Variants in TMEM30A observed in about 807,000 individuals in gnomAD.
TMEM30A encodes the protein cell division cycle 50 P4-ATPase accessory subunit A.
A neutral mutation model predicts 38.2 loss-of-function variants in TMEM30A; 24 were observed. The ratio of observed to expected loss-of-function variants is 0.63; its 90% CI spans 0.46 to 0.88. The LOEUF is 0.88. Among genes scored for constraint, TMEM30A ranks in the 40% least tolerant of loss-of-function variants. TMEM30A has a pLI of 0.00. For synonymous variants in TMEM30A, 145 were observed against 161.6 expected (o/e 0.90, Z 0.78); for missense variants, 370 against 458.6 (o/e 0.81, Z 1.77).
chr6:75,279,802 ATTT>A (rs1772327540), intron 1 of TMEM30A, among the ~76,000 whole-genome samples: 1 of 152,286 alleles, frequency 6.6e-6, no homozygotes, highest in East Asian at 1.9e-4. Flanking sequence ...AAAGATGCGC[ATTT>A]TTTACACTAT....
At chr6:75,259,653 T>C (rs186587174) in intron 4 of TMEM30A, among the ~76,000 whole-genome samples, 163 bp from the exon 5 acceptor site, 4 of 152,384 alleles carry the variant, frequency 2.6e-5, no homozygotes, top group Admixed American at 1.3e-4. Flanking sequence ...GGATTAACTA[T>C]GGTAACTTTA....
intron 1 of TMEM30A, among the ~76,000 whole-genome samples, chr6:75,269,556 C>T (rs768984477): frequency 2.6e-5 from 4 of 152,220 alleles, no homozygotes; most frequent in Non-Finnish European, 5.9e-5. Context: ...TGAAGGACAT[C>T]TTGGTTGCTT....
rs1398598479 is a variant in TMEM30A at position 75,260,855 on chromosome 6, A to G, written c.510T>C (p.Pro170=). The change falls in exon 4 of 7, where the codon CCT becomes CCC. Residue 170 remains proline, a synonymous_variant. Transcript: ENST00000230461. The part of the protein sequence containing the change: ...YRRNEDKPIA[P]CGAIANSMFN... The stretch of plus-strand genomic sequence containing the variant: ...ACATGCTGTTGGCAATAGCTCCACA[A>G]GGAGCAATTGGTTTGTCTTCATTTC... 1 of 1,600,512 alleles carries G rather than the reference A, an allele frequency of 6.2e-7. No homozygotes were observed. The highest frequency in any genetic ancestry group is 8.5e-7 in the Non-Finnish European group (1 of 1,176,612).
At chr6:75,270,152 C>CT (rs1159007926) in intron 1 of TMEM30A, among the ~76,000 whole-genome samples, 1 of 152,218 alleles carries the variant, frequency 6.6e-6, no homozygotes, top group Non-Finnish European at 1.5e-5. Context: ...TCCAAAGGAG[C>CT]TATACCATTT....
At chr6:75,261,457 TTAAAC>T (rs1410262151) in intron 3 of TMEM30A, among the ~76,000 whole-genome samples, 18 of 152,202 alleles carry the variant, frequency 1.2e-4, no homozygotes, top group African/African-American at 4.1e-4. Flanking sequence ...ATATCAATCT[TTAAAC>T]TGTGCATCCA....
chr6:75,256,025 A>AT lies in TMEM30A; in HGVS notation c.*76dup. On this transcript the variant is annotated 3_prime_UTR_variant, in exon 7 of 7. Transcript: ENST00000230461. Reference sequence around the variant, plus strand: ...AACTTCAAAATGACATACTAACCAGATATCAGCATTCGAAAGCTAGGTTGA... The same window carrying AT: ...AACTTCAAAATGACATACTAACCAGATTATCAGCATTCGAAAGCTAGGTTGA... 2 of 1,015,560 alleles carry AT rather than the reference A, an allele frequency of 2.0e-6. No homozygotes were observed. Among genetic ancestry groups the AT allele is most frequent in the East Asian group, 5.2e-5 (2 of 38,400 alleles). 62.9% of individuals were successfully genotyped at this position (1,015,560 alleles called of 1,614,324 possible). A position where few individuals can be genotyped will look rare whatever the true frequency, so the allele number is the denominator to read the frequency against.
rs1231739759 is a variant in TMEM30A at position 75,254,290 on chromosome 6, G to C, written c.*1812C>G. 6.6e-6 allele frequency: 1 copy of C among 152,056 alleles called. No homozygotes were observed. The highest frequency in any genetic ancestry group is 1.5e-5 in the Non-Finnish European group (1 of 67,998). 9.4% of individuals were successfully genotyped at this position (152,056 alleles called of 1,614,324 possible). A position where few individuals can be genotyped will look rare whatever the true frequency, so the allele number is the denominator to read the frequency against. ...TCCTTAAACAGCACAGACTCAATCT[G>C]GAAAGAGTGGCAGAAACCCCTCTCC... is the stretch of plus-strand genomic sequence containing the variant. On this transcript the variant is annotated 3_prime_UTR_variant, in exon 7 of 7. Transcript: ENST00000230461.
At chr6:75,273,304 CAGAT>C (rs961700168) in intron 1 of TMEM30A, among the ~76,000 whole-genome samples, 2 of 152,078 alleles carry the variant, frequency 1.3e-5, no homozygotes, top group Admixed American at 6.5e-5. Context: ...TGCATATAAA[CAGAT>C]AGGAAATAGG....
intron 1 of TMEM30A, chr6:75,284,160 C>A: frequency 1.7e-6 from 1 of 577,746 alleles, no homozygotes; most frequent in Non-Finnish European, 3.1e-6. Flanking sequence ...CATTCCGTCT[C>A]AGCTCATTCC....
At chr6:75,269,239 A>G (rs1029041764) in intron 1 of TMEM30A, among the ~76,000 whole-genome samples, 5 of 152,172 alleles carry the variant, frequency 3.3e-5, no homozygotes, top group African/African-American at 1.2e-4. Context: ...ACGTATAATG[A>G]GTATCCACCA....
rs538203329 is a variant in TMEM30A at position 75,259,446 on chromosome 6, G to C, written c.586C>G (p.Pro196Ala). The change falls in exon 5 of 7, where the codon CCT (proline) becomes GCT (alanine). Residue 196 changes from proline to alanine, a missense_variant. Physicochemically the swap from Pro to Ala is conservative, Grantham distance 27. Transcript: ENST00000230461. ...ATACCTTTCTTTTTCAAAGCGATAG[G>C]TATAGGATAAGAATCATTGCCAATG... ...FLIGNDSYPI[P>A]IALKKKGIAW... 6.2e-7 allele frequency: 1 copy of C among 1,611,166 alleles called. No homozygotes were observed. Among genetic ancestry groups the C allele is most frequent in the African/African-American group, 1.3e-5 (1 of 74,904 alleles).
chr6:75,272,692 T>G (rs746519500), intron 1 of TMEM30A: 1 of 152,252 alleles, frequency 6.6e-6, no homozygotes, highest in Non-Finnish European at 1.5e-5. Context: ...CCTCTGTCTC[T>G]ATGCTGACTT....
intron 1 of TMEM30A, among the ~76,000 whole-genome samples, chr6:75,276,562 C>T (rs1419169726): frequency 6.6e-6 from 1 of 151,888 alleles, no homozygotes; most frequent in East Asian, 1.9e-4. Context: ...AATTTCCACA[C>T]ATGTGGTGTC....
chr6:75,265,991 C>A (rs189598247), intron 2 of TMEM30A, among the ~76,000 whole-genome samples: 47 of 152,108 alleles, frequency 3.1e-4, no homozygotes, highest in Non-Finnish European at 6.2e-4. Context: ...TGATAATAAG[C>A]CACTTTATAA....
chr6:75,260,061 A>G (rs145783197), intron 4 of TMEM30A, among the ~76,000 whole-genome samples: 16 of 152,344 alleles, frequency 1.1e-4, no homozygotes, highest in African/African-American at 3.8e-4. Flanking sequence ...TATTGCTAAA[A>G]TTAATTTCAC....
chr6:75,256,096 A>G lies in TMEM30A; in HGVS notation c.*6T>C, dbSNP rs1242536773. The G allele has an allele frequency of 6.3e-7, 1 of 1,586,406 alleles. No individual in the cohort carries two copies. The highest frequency in any genetic ancestry group is 2.3e-5 in the East Asian group (1 of 44,352). ...CATGCAGATGATTTGCTTTCATAAT[A>G]TAAAATTAAATGGTAATGTCAGCTG... On this transcript the variant is annotated 3_prime_UTR_variant, in exon 7 of 7. Transcript: ENST00000230461.
At chr6:75,277,251 A>T (rs1384306628) in intron 1 of TMEM30A, among the ~76,000 whole-genome samples, 1 of 151,482 alleles carries the variant, frequency 6.6e-6, no homozygotes, top group Non-Finnish European at 1.5e-5. Flanking sequence ...TAAAGTATGA[A>T]TCCCACCTTT....
intron 1 of TMEM30A, among the ~76,000 whole-genome samples, chr6:75,278,361 G>A (rs1251970294): frequency 6.6e-6 from 1 of 152,054 alleles, no homozygotes; most frequent in Admixed American, 6.5e-5. Flanking sequence ...CACTTACTGA[G>A]AACCTTGTTA....
At chr6:75,272,774 A>C (rs532594270) in intron 1 of TMEM30A, 2 of 152,208 alleles carry the variant, frequency 1.3e-5, no homozygotes, top group Non-Finnish European at 2.9e-5. Context: ...CAATTGCTGG[A>C]ATTGTTTCCA....
Sources: allele counts gnomAD v4.1 joint callset (sites outside exome capture counted in the v4.1 genomes callset), GRCh38; gene constraint gnomAD v4.1.1; transcripts MANE v1.5; gene names NCBI Gene and HGNC (gene_info 2026-07-23, HGNC 2026-07-21).